RPS20: variants seen among roughly 807,000 people sequenced by gnomAD.
The protein encoded by RPS20 is small ribosomal subunit protein uS10.
In RPS20, 3 loss-of-function variants were observed where a neutral mutation model predicts 15.3. That is an observed-to-expected ratio of 0.20 (90% confidence interval 0.09 to 0.51). The LOEUF (loss-of-function observed/expected upper bound fraction) is 0.51, where lower values mean the gene tolerates loss of function less well. Among genes scored for constraint, RPS20 ranks in the 20% least tolerant of loss-of-function variants. The pLI is 0.96. For synonymous variants in RPS20, 62 were observed against 47.8 expected (o/e 1.30, Z -1.23); for missense variants, 67 against 145.9 (o/e 0.46, Z 2.79).
downstream of RPS20, chr8:56,068,217 C>T (rs1394854296): frequency 6.6e-6 from 1 of 152,056 alleles, no homozygotes; most frequent in Non-Finnish European, 1.5e-5. Flanking sequence ...AAAAACCCAA[C>T]ATTATCAAAA....
At chr8:56,067,657 G>T (rs771970600) in exon 6 of RPS20, 1 of 151,084 alleles carries the variant, frequency 6.6e-6, no homozygotes, top group Non-Finnish European at 1.5e-5. Context: ...CTGCACTCCA[G>T]CCTGGGCGAC....
downstream of RPS20, among the ~76,000 whole-genome samples, chr8:56,071,712 T>G (rs745730741): frequency 6.6e-6 from 1 of 152,210 alleles, no homozygotes; most frequent in African/African-American, 2.4e-5. Flanking sequence ...ATGCAGTTGG[T>G]TGTATACAGA....
chr8:56,074,168 A>C lies in RPS20; in HGVS notation c.4-9T>G, dbSNP rs750095091. 1.2e-6 allele frequency: 2 copies of C among 1,605,910 alleles called. No individual in the cohort carries two copies. Among genetic ancestry groups the C allele is most frequent in the African/African-American group, 2.7e-5 (2 of 74,850 alleles). On this transcript the variant is annotated splice_polypyrimidine_tract_variant and intron_variant, in intron 1 of 3. Coordinates refer to ENST00000009589, the MANE Select transcript of RPS20 (RefSeq NM_001023.4). Reference sequence around the variant, plus strand: ...CCGGTATCCTTAAAAGCCTATTATTAGATACATGAAAAAGAACAATAAGCC... The same window carrying C: ...CCGGTATCCTTAAAAGCCTATTATTCGATACATGAAAAAGAACAATAAGCC...
chr8:56,068,035 A>G (rs1259869738), exon 6 of RPS20: 1 of 152,232 alleles, frequency 6.6e-6, no homozygotes, highest in Non-Finnish European at 1.5e-5. Flanking sequence ...GTAAAATACG[A>G]TGTCTGAAAT....
chr8:56,073,409 TACCATGGGTTG>T (rs1809824591), intron 3 of RPS20, 137 bp from the exon 4 acceptor site: 1 of 693,302 alleles, frequency 1.4e-6, no homozygotes, highest in African/African-American at 1.8e-5. Context: ...GATTTTCAGG[TACCATGGGTTG>T]AAAATGCCAG....
intron 3 of RPS20, 27 bp from the exon 4 acceptor site, chr8:56,073,299 G>A (rs1585722772): frequency 7.0e-7 from 1 of 1,432,388 alleles, no homozygotes; most frequent in Non-Finnish European, 9.8e-7. Context: ...AGGAAACCAA[G>A]TGTTTATCGT....
downstream of RPS20, among the ~76,000 whole-genome samples, chr8:56,072,203 G>A (rs1303116211): frequency 6.6e-6 from 1 of 152,184 alleles, no homozygotes; most frequent in East Asian, 1.9e-4. Context: ...CTCCAGCCTG[G>A]ACTGCAGAGA....
Position 56,073,699 on chromosome 8 carries a change from G to C in RPS20, c.173C>G (p.Thr58Ser), listed in dbSNP as rs1483934807. ...TGCCCCTCCGATTTACTTTACCTTG[G>C]TAGGCATTCGAACTGGTCCTTTCAC... The part of the protein sequence containing the change: ...LKVKGPVRMP[T>S]KTLRITTRKT... The change falls in exon 3 of 4, where the codon ACC (threonine) becomes AGC (serine). Residue 58 changes from threonine (T) to serine (S), a missense_variant. Transcript: ENST00000009589. 1 of 1,613,054 alleles carries C rather than the reference G, an allele frequency of 6.2e-7. No homozygotes were observed. The highest frequency in any genetic ancestry group is 1.3e-5 in the African/African-American group (1 of 74,886).
chr8:56,073,802 A>T (rs762830237), intron 2 of RPS20, 34 bp from the exon 3 acceptor site: 46 of 1,596,974 alleles, frequency 2.9e-5, no homozygotes, highest in Non-Finnish European at 4.0e-5. Context: ...AGTATAATCG[A>T]AACAATTAAA....
In RPS20 at chr8:56,073,127, G is replaced by A; in HGVS notation, c.323C>T (p.Pro108Leu). 1 of 1,597,536 alleles carries A rather than the reference G, an allele frequency of 6.3e-7. No individual in the cohort carries two copies. Among genetic ancestry groups the A allele is most frequent in the Non-Finnish European group, 8.5e-7 (1 of 1,179,402 alleles). Residue 108 changes from proline to leucine, a missense_variant, in exon 4 of 4, where the codon CCA becomes CTA. By Grantham distance (98) the Pro-to-Leu change is moderately conservative (BLOSUM62 -3). Transcript: ENST00000009589. ...AATGGTGACTTCCACCTCAACTCCT[G>A]GCTCAATACTGATGGAAGTAATCTG... ...VKQITSISIE[P>L]GVEVEVTIAD...
downstream of RPS20, among the ~76,000 whole-genome samples, chr8:56,071,752 T>C (rs373108809): frequency 8.5e-5 from 13 of 152,202 alleles, no homozygotes; most frequent in South Asian, 1.7e-3. Flanking sequence ...TTTGAAAAGA[T>C]AGCAGAGTTC....
At chr8:56,074,225 G>T in intron 1 of RPS20, 66 bp from the exon 2 acceptor site, 1 of 1,526,794 alleles carries the variant, frequency 6.5e-7, no homozygotes. Flanking sequence ...GAGAAAGGCA[G>T]CTTCCGGAAG....
chr8:56,069,412 C>G (rs1809693354), downstream of RPS20, among the ~76,000 whole-genome samples: 1 of 152,142 alleles, frequency 6.6e-6, no homozygotes, highest in Non-Finnish European at 1.5e-5. Flanking sequence ...GATTCTCCTG[C>G]TTCAGCATCC....
At chr8:56,070,836 G>A (rs1211333622), downstream of RPS20, among the ~76,000 whole-genome samples, 5 of 151,976 alleles carry the variant, frequency 3.3e-5, no homozygotes, top group South Asian at 2.1e-4. Flanking sequence ...CAGAAGCAGT[G>A]CTCTGCAAAT....
At chr8:56,071,440 C>T (rs1372197515), downstream of RPS20, among the ~76,000 whole-genome samples, 1 of 152,160 alleles carries the variant, frequency 6.6e-6, no homozygotes, top group Non-Finnish European at 1.5e-5. Context: ...TTAAATTTAG[C>T]AATGTGGCAT....
At chr8:56,069,573 ACAGGTGTGAGCCACCCCGCC>A, downstream of RPS20, 1 of 673,306 alleles carries the variant, frequency 1.5e-6, no homozygotes, top group Non-Finnish European at 2.6e-6. Context: ...TGCTGAGATT[ACAGGTGTGAGCCACCCCGCC>A]CAGCCATAGT....
At chr8:56,071,687 T>C (rs1327056140), downstream of RPS20, among the ~76,000 whole-genome samples, 1 of 152,212 alleles carries the variant, frequency 6.6e-6, no homozygotes, top group Non-Finnish European at 1.5e-5. Context: ...CAGCTGTGGG[T>C]TGCAGGTGCC....
chr8:56,070,329 T>C (rs1319312268), downstream of RPS20, among the ~76,000 whole-genome samples: 4 of 152,122 alleles, frequency 2.6e-5, no homozygotes, highest in East Asian at 3.9e-4. Context: ...AAGTAACTAA[T>C]TTTGGAGCCA....
chr8:56,068,633 A>T (rs1237446567), downstream of RPS20: 4 of 151,638 alleles, frequency 2.6e-5, no homozygotes, highest in East Asian at 7.7e-4. Context: ...TCCCAGAAAG[A>T]AGAGAGACAA....
Sources: allele counts gnomAD v4.1 joint callset (sites outside exome capture counted in the v4.1 genomes callset), GRCh38; gene constraint gnomAD v4.1.1; transcripts MANE v1.5; gene names NCBI Gene and HGNC (gene_info 2026-07-23, HGNC 2026-07-21).